CDH20: variants seen among roughly 807,000 people sequenced by gnomAD.
CDH20 encodes the protein cadherin 20.
Under a neutral mutation model 74.2 loss-of-function variants are expected in CDH20, and 29 were observed. The ratio of observed to expected loss-of-function variants is 0.39; its 90% confidence interval spans 0.29 to 0.53. CDH20 has a LOEUF of 0.53. Among genes scored for constraint, CDH20 ranks in the 20% least tolerant of loss-of-function variants. The probability of loss-of-function intolerance (pLI) is 0.69; values close to 1 mark genes in which losing one functional copy is unlikely to be tolerated. For synonymous variants in CDH20, 469 were observed against 405.4 expected (o/e 1.16, Z -1.88); for missense variants, 988 against 1,048.3 (o/e 0.94, Z 0.79).
At chr18:61,438,210 T>C (rs185276107) in intron 1 of CDH20, among the ~76,000 whole-genome samples, 3 of 152,254 alleles carry the variant, frequency 2.0e-5, no homozygotes, top group Admixed American at 6.5e-5. Context: ...TGCCCATTTC[T>C]TTTGTTTTCT....
chr18:61,518,833 G>A (rs1270608801), intron 6 of CDH20, among the ~76,000 whole-genome samples: 1 of 151,176 alleles, frequency 6.6e-6, no homozygotes, highest in Non-Finnish European at 1.5e-5. Context: ...CGAGCTAATG[G>A]GGCATGTTCT....
At chr18:61,435,888 C>T (rs1599083745) in intron 1 of CDH20, among the ~76,000 whole-genome samples, 1 of 151,876 alleles carries the variant, frequency 6.6e-6, no homozygotes, top group Non-Finnish European at 1.5e-5. Flanking sequence ...TTTCAATACC[C>T]CAAAAAGAAA....
intron 6 of CDH20, among the ~76,000 whole-genome samples, chr18:61,508,807 T>C (rs1346552269): frequency 6.6e-6 from 1 of 152,096 alleles, no homozygotes; most frequent in Non-Finnish European, 1.5e-5. Flanking sequence ...TGGCTAACTT[T>C]TTGTATTTTA....
At chr18:61,515,577 C>T (rs1481788541) in intron 6 of CDH20, among the ~76,000 whole-genome samples, 1 of 151,804 alleles carries the variant, frequency 6.6e-6, no homozygotes, top group Non-Finnish European at 1.5e-5. Flanking sequence ...GGCACATATA[C>T]ACCATGGAAT....
At chr18:61,499,529 T>TATAC (rs1555681147) in intron 3 of CDH20, 49 bp downstream of exon 3, 417 of 1,046,518 alleles carry the variant, frequency 4.0e-4, no homozygotes, top group Non-Finnish European at 5.4e-4. Context: ...CCTATATATA[T>TATAC]ACACACACAC....
intron 2 of CDH20, 23 bp downstream of exon 2, chr18:61,490,822 G>T (rs751964697): frequency 1.2e-6 from 2 of 1,611,962 alleles, no homozygotes; most frequent in South Asian, 2.2e-5. Flanking sequence ...AAGTAGAAAT[G>T]ACCCGGGTAT....
intron 6 of CDH20, among the ~76,000 whole-genome samples, chr18:61,526,864 T>C (rs764170764): frequency 2.0e-5 from 3 of 152,208 alleles, no homozygotes; most frequent in Non-Finnish European, 4.4e-5. Flanking sequence ...TCTTCAACTC[T>C]AAAAGGTCAA....
At chr18:61,386,890 A>T (rs1050614348) in intron 1 of CDH20, among the ~76,000 whole-genome samples, 1 of 152,198 alleles carries the variant, frequency 6.6e-6, no homozygotes, top group African/African-American at 2.4e-5. Flanking sequence ...AAATATATGA[A>T]ATGTTGTGAG....
At chr18:61,371,215 T>G (rs1374656387) in intron 1 of CDH20, among the ~76,000 whole-genome samples, 2 of 152,130 alleles carry the variant, frequency 1.3e-5, no homozygotes, top group Non-Finnish European at 2.9e-5. Flanking sequence ...AAACTTCTCA[T>G]TCATCAGAGC....
chr18:61,491,809 A>G (rs1910969282), intron 2 of CDH20, among the ~76,000 whole-genome samples: 1 of 151,900 alleles, frequency 6.6e-6, no homozygotes, highest in Non-Finnish European at 1.5e-5. Flanking sequence ...ACAACCTCAG[A>G]CACTGCTGAC....
intron 6 of CDH20, among the ~76,000 whole-genome samples, chr18:61,517,337 T>G (rs533984009): frequency 2.6e-4 from 39 of 152,198 alleles, no homozygotes; most frequent in Non-Finnish European, 4.4e-4. Flanking sequence ...CAGCTCCCAG[T>G]GAGATCAATG....
intron 2 of CDH20, among the ~76,000 whole-genome samples, chr18:61,497,215 G>A (rs756845450): frequency 3.3e-5 from 5 of 151,166 alleles, no homozygotes; most frequent in South Asian, 2.1e-4. Context: ...CTATTTTTTC[G>A]GTCAATTTTA....
rs550165745 is a variant in CDH20, at chr18:61,395,135, T to A, written c.-153+61308T>A. On this transcript the variant is annotated intron_variant, in intron 1 of 11. Transcript: ENST00000262717. ...AAGTTTCACACTGTACCCTCTGCTC[T>A]CTGTCCCCTGGCCATAGTTACATCA... 4.6e-5 allele frequency among the ~76,000 whole-genome samples: 7 copies of A among 152,192 alleles called. No homozygotes were observed. In the East Asian group the frequency reaches 1.2e-3, roughly 25 times the overall value.
At chr18:61,354,081 G>A (rs574855151) in intron 1 of CDH20, among the ~76,000 whole-genome samples, 7 of 151,848 alleles carry the variant, frequency 4.6e-5, no homozygotes, top group African/African-American at 1.7e-4. Context: ...AGAAAAAGAA[G>A]GCTTTCAGTT....
intron 1 of CDH20, among the ~76,000 whole-genome samples, chr18:61,462,528 C>A (rs1909817552): frequency 6.6e-6 from 1 of 152,088 alleles, no homozygotes; most frequent in Non-Finnish European, 1.5e-5. Context: ...ACAATTCAAC[C>A]AATCACATAT....
chr18:61,394,470 G>T (rs1441761511), intron 1 of CDH20, among the ~76,000 whole-genome samples: 1 of 152,046 alleles, frequency 6.6e-6, no homozygotes, highest in Non-Finnish European at 1.5e-5. Context: ...GAGGATGAAG[G>T]CAATGATTGG....
Position 61,359,074 on chromosome 18 carries a change from A to C in CDH20, c.-153+25247A>C, listed in dbSNP as rs1910598132. On this transcript the variant is annotated intron_variant, in intron 1 of 11. Coordinates refer to ENST00000262717, the MANE Select transcript of CDH20 (RefSeq NM_031891.4). The stretch of plus-strand genomic sequence containing the variant: ...TCTGAAATAAATAATTAAGACATTC[A>C]ATTTTCACATTCTACTATCAGACAA... Among the ~76,000 whole-genome samples, 4 of 152,334 alleles carry C rather than the reference A, an allele frequency of 2.6e-5. No individual in the cohort carries two copies. In the South Asian group the frequency reaches 8.3e-4, roughly 32 times the overall value.
intron 10 of CDH20, among the ~76,000 whole-genome samples, chr18:61,548,030 G>A (rs1055943624): frequency 1.3e-5 from 2 of 152,098 alleles, no homozygotes; most frequent in Non-Finnish European, 2.9e-5. Context: ...AAAAAGTTCT[G>A]ATTAGAGAAA....
chr18:61,412,191 A>G (rs1421624141), intron 1 of CDH20, among the ~76,000 whole-genome samples: 2 of 152,136 alleles, frequency 1.3e-5, no homozygotes, highest in Admixed American at 1.3e-4. Flanking sequence ...ATAGAAAAAT[A>G]TATACATAAT....
Sources: gnomAD v4.1 joint callset for allele counts (sites outside exome capture counted in the v4.1 genomes callset) on GRCh38, gnomAD v4.1.1 for gene constraint, MANE v1.5 for transcripts, NCBI Gene and HGNC (gene_info 2026-07-23, HGNC 2026-07-21) for gene names.